The following GNPAT variants were observed in gnomAD, a reference collection of about 807,000 sequenced individuals.
GNPAT encodes glyceronephosphate O-acyltransferase, also known as dihydroxyacetone phosphate acyltransferase.
Under a neutral mutation model 78.4 loss-of-function variants are expected in GNPAT, and 30 were observed. That is an observed-to-expected ratio of 0.38 (90% CI 0.29 to 0.52). The LOEUF (loss-of-function observed/expected upper bound fraction) is 0.52. Among genes scored for constraint, GNPAT ranks in the 20% least tolerant of loss-of-function variants. GNPAT has a pLI of 0.84. For missense variants in GNPAT, 714 were observed against 812.2 expected (o/e 0.88, Z 1.47); for synonymous variants, 271 against 281.1 (o/e 0.96, Z 0.36).
intron 2 of GNPAT, among the ~76,000 whole-genome samples, chr1:231,260,040 G>A (rs554786971): frequency 6.6e-6 from 1 of 152,314 alleles, no homozygotes; most frequent in South Asian, 2.1e-4. Flanking sequence ...TTGATAGCTT[G>A]GGACTTTGTG....
intron 15 of GNPAT, among the ~76,000 whole-genome samples, chr1:231,276,869 GT>G (rs1374198903): frequency 6.6e-6 from 1 of 152,200 alleles, no homozygotes; most frequent in Non-Finnish European, 1.5e-5. Flanking sequence ...ATTGAATGGC[GT>G]GATGTCCTTG....
At chr1:231,273,842 A>G in intron 11 of GNPAT, 80 bp from the exon 12 acceptor site, 1 of 1,107,262 alleles carries the variant, frequency 9.0e-7, no homozygotes, top group Non-Finnish European at 1.4e-6. Context: ...CCATTAACCT[A>G]GATGAGGGGG....
chr1:231,268,011 A>G, intron 9 of GNPAT, 108 bp downstream of exon 9: 1 of 784,474 alleles, frequency 1.3e-6, no homozygotes, highest in South Asian at 1.4e-5. Context: ...GCTCAGAAAG[A>G]GAAAGGACAG....
At chr1:231,263,223 A>G (rs1685273047) in intron 4 of GNPAT, among the ~76,000 whole-genome samples, 1 of 152,226 alleles carries the variant, frequency 6.6e-6, no homozygotes, top group Admixed American at 6.5e-5. Context: ...ATAACATCAA[A>G]TTTGCCATCT....
At chr1:231,269,004 A>G (rs1160316432) in intron 9 of GNPAT, among the ~76,000 whole-genome samples, 1 of 150,726 alleles carries the variant, frequency 6.6e-6, no homozygotes, top group East Asian at 2.0e-4. Context: ...TCTTTGATCA[A>G]CCCAATACTG....
At position 231,252,909 on chromosome 1, in the gene GNPAT, C is replaced by T. The variant is rs557809513; in HGVS notation, c.261+1766C>T. Reference sequence around the variant, plus strand: ...TCGTCTTCCCCATAGACAGAACTGACTCCGTTCATGTTTAAGGCCTCTCCC... The same window carrying T: ...TCGTCTTCCCCATAGACAGAACTGATTCCGTTCATGTTTAAGGCCTCTCCC... On this transcript the variant is annotated intron_variant, in intron 2 of 15. Transcript: ENST00000366647. 3.3e-5 allele frequency among the ~76,000 whole-genome samples: 5 copies of T among 152,228 alleles called. No homozygotes were observed. The South Asian group carries it at 1.0e-3, about 32-fold the overall frequency.
chr1:231,243,038 A>G (rs960546527), intron 1 of GNPAT, among the ~76,000 whole-genome samples: 2 of 152,288 alleles, frequency 1.3e-5, no homozygotes, highest in African/African-American at 2.4e-5. Flanking sequence ...TTAGAAGCGT[A>G]GAAGATACTG....
At chr1:231,267,555 C>T in intron 8 of GNPAT, 125 bp from the exon 9 acceptor site, 1 of 747,834 alleles carries the variant, frequency 1.3e-6, no homozygotes, top group Non-Finnish European at 2.4e-6. Flanking sequence ...CTGTTTGCAC[C>T]TGACCTGAGA....
intron 8 of GNPAT, among the ~76,000 whole-genome samples, chr1:231,267,248 C>T (rs193294558): frequency 7.9e-5 from 12 of 152,276 alleles, no homozygotes; most frequent in African/African-American, 1.7e-4. Context: ...TGCATGAAGT[C>T]AGACAAACTG....
At chr1:231,270,215 A>G (rs771846335) in intron 9 of GNPAT, among the ~76,000 whole-genome samples, 3 of 152,220 alleles carry the variant, frequency 2.0e-5, no homozygotes, top group Non-Finnish European at 4.4e-5. Flanking sequence ...TAAGCTACCA[A>G]CTGCCATGGA....
intron 4 of GNPAT, 35 bp from the exon 5 acceptor site, chr1:231,265,258 A>T: frequency 6.7e-7 from 1 of 1,493,022 alleles, no homozygotes; most frequent in Non-Finnish European, 9.3e-7. Context: ...GAAGATTTCA[A>T]GATCTGCAAA....
At chr1:231,270,187 G>A (rs1226873240) in intron 9 of GNPAT, 1 of 159,018 alleles carries the variant, frequency 6.3e-6, no homozygotes, top group African/African-American at 2.4e-5. Flanking sequence ...GCTGTCTGCA[G>A]GCCAATATGT....
intron 5 of GNPAT, 127 bp downstream of exon 5, chr1:231,265,547 C>T: frequency 1.1e-6 from 1 of 923,018 alleles, no homozygotes; most frequent in South Asian, 1.3e-5. Context: ...TGCTTATAAC[C>T]TCAGCAATTG....
intron 1 of GNPAT, among the ~76,000 whole-genome samples, chr1:231,243,700 T>C (rs1056952288): frequency 6.6e-6 from 1 of 152,044 alleles, no homozygotes; most frequent in Non-Finnish European, 1.5e-5. Context: ...ACTACTCCCT[T>C]GCATATTTGG....
intron 1 of GNPAT, among the ~76,000 whole-genome samples, chr1:231,247,514 C>T (rs1684782089): frequency 6.6e-6 from 1 of 152,128 alleles, no homozygotes; most frequent in South Asian, 2.1e-4. Context: ...AGGGGAGAAC[C>T]AGAATATGGG....
chr1:231,255,326 C>A (rs1471386659), intron 2 of GNPAT, among the ~76,000 whole-genome samples: 1 of 152,154 alleles, frequency 6.6e-6, no homozygotes. Flanking sequence ...TTACTTCTCT[C>A]CCAGTTTAAA....
chr1:231,260,074 T>G (rs981235893), intron 2 of GNPAT, among the ~76,000 whole-genome samples: 1 of 152,214 alleles, frequency 6.6e-6, no homozygotes, highest in Non-Finnish European at 1.5e-5. Flanking sequence ...ATAGATCTGA[T>G]GTAGTCTGAG....
intron 9 of GNPAT, among the ~76,000 whole-genome samples, chr1:231,270,267 G>A (rs1685520665): frequency 6.6e-6 from 1 of 151,968 alleles, no homozygotes; most frequent in Non-Finnish European, 1.5e-5. Flanking sequence ...AAACTGCAAA[G>A]TGATATTTTT....
intron 2 of GNPAT, 77 bp from the exon 3 acceptor site, chr1:231,260,430 A>C (rs532091371): frequency 4.8e-4 from 459 of 965,118 alleles, no homozygotes; most frequent in Middle Eastern, 2.9e-3. Context: ...GGAACTAGTC[A>C]TACTGGTTTG....
Sources: gnomAD v4.1 joint callset for allele counts (sites outside exome capture counted in the v4.1 genomes callset) on GRCh38, gnomAD v4.1.1 for gene constraint, MANE v1.5 for transcripts, NCBI Gene and HGNC (gene_info 2026-07-23, HGNC 2026-07-21) for gene names.